Variants in NTF3 observed in about 807,000 individuals in gnomAD.
The protein encoded by NTF3 is neurotrophin-3.
In NTF3, 8 loss-of-function variants were observed where a neutral mutation model predicts 26.3. The observed-to-expected ratio is 0.30, with a 90% CI of 0.18 to 0.55. NTF3 has a LOEUF of 0.55. NTF3 is among the 20% of genes least tolerant of loss of function. The pLI is 0.93. For synonymous variants in NTF3, 154 were observed against 145.5 expected, an observed-to-expected ratio of 1.06 and a Z score of -0.42; for missense variants, 276 against 352.9, an observed-to-expected ratio of 0.78 and a Z score of 1.75.
At chr12:5,481,991 G>A (rs1281664400) in intron 1 of NTF3, among the ~76,000 whole-genome samples, 1 of 150,288 alleles carries the variant, frequency 6.7e-6, no homozygotes, top group African/African-American at 2.4e-5. Flanking sequence ...ACACTCGCAG[G>A]CATACATGCA....
chr12:5,495,142 A>C lies in NTF3; in HGVS notation c.*154A>C. On this transcript the variant is annotated 3_prime_UTR_variant, in exon 2 of 2. Coordinates refer to ENST00000423158, the MANE Select transcript of NTF3 (RefSeq NM_001102654.2). ...GTATATAAGCTTTTTTCTCAATAAA[A>C]TCAGTGTGCTTGCCTTCCCTCAGGC... The C allele has an allele frequency of 2.4e-6, 2 of 839,746 alleles. No individual in the cohort carries two copies. Among genetic ancestry groups the C allele is most frequent in the Non-Finnish European group, 3.6e-6 (2 of 551,246 alleles). 52.0% of individuals were successfully genotyped at this position (839,746 alleles called of 1,614,324 possible). A position where few individuals can be genotyped will look rare whatever the true frequency, so the allele number is the denominator to read the frequency against.
chr12:5,492,222 C>A (rs1434450261), intron 1 of NTF3, among the ~76,000 whole-genome samples: 1 of 152,212 alleles, frequency 6.6e-6, no homozygotes, highest in African/African-American at 2.4e-5. Context: ...GTCATTACCT[C>A]ACTAATCTGT....
intron 1 of NTF3, among the ~76,000 whole-genome samples, chr12:5,445,337 T>TGTGTGTG (rs1940292521): frequency 7.3e-5 from 11 of 151,212 alleles, no homozygotes; most frequent in East Asian, 3.9e-4. Flanking sequence ...TGTGTGTGTG[T>TGTGTGTG]TTAAAGTTTT....
At chr12:5,466,158 GC>G (rs1434388748) in intron 1 of NTF3, among the ~76,000 whole-genome samples, 1 of 152,186 alleles carries the variant, frequency 6.6e-6, no homozygotes, top group African/African-American at 2.4e-5. Context: ...AGGCTGAGCT[GC>G]CTCCACCTTG....
chr12:5,454,641 A>G (rs1450834265), intron 1 of NTF3, among the ~76,000 whole-genome samples: 2 of 152,226 alleles, frequency 1.3e-5, no homozygotes, highest in African/African-American at 4.8e-5. Context: ...ACCAGCAACA[A>G]TAACAACCAG....
At chr12:5,444,974 A>ATTCTAATTAGAATGTCT (rs1353523503) in intron 1 of NTF3, among the ~76,000 whole-genome samples, 1 of 152,226 alleles carries the variant, frequency 6.6e-6, no homozygotes, top group Non-Finnish European at 1.5e-5. Context: ...GTCTCTGGAC[A>ATTCTAATTAGAATGTCT]CATGGATTAA....
intron 1 of NTF3, among the ~76,000 whole-genome samples, chr12:5,489,007 T>C (rs529903378): frequency 2.7e-4 from 41 of 152,198 alleles, no homozygotes; most frequent in Non-Finnish European, 5.1e-4. Flanking sequence ...CTTTCTGCTT[T>C]CTTTGTAAGT....
At chr12:5,489,193 G>C (rs760634009) in intron 1 of NTF3, among the ~76,000 whole-genome samples, 46 of 152,192 alleles carry the variant, frequency 3.0e-4, no homozygotes, top group Non-Finnish European at 5.9e-4. Flanking sequence ...TTACTTTTGT[G>C]GGGGATGCTT....
At chr12:5,459,563 A>G (rs141987546) in intron 1 of NTF3, among the ~76,000 whole-genome samples, 2 of 152,308 alleles carry the variant, frequency 1.3e-5, no homozygotes, top group African/African-American at 4.8e-5. Flanking sequence ...TCAGGGAGGA[A>G]CGTGCATATT....
intron 1 of NTF3, among the ~76,000 whole-genome samples, chr12:5,468,820 C>T (rs529867593): frequency 6.6e-6 from 1 of 152,252 alleles, no homozygotes; most frequent in South Asian, 2.1e-4. Context: ...GGTGGGATAC[C>T]ACCTTGAACA....
At chr12:5,439,023 C>G (rs1185528484) in intron 1 of NTF3, among the ~76,000 whole-genome samples, 1 of 152,154 alleles carries the variant, frequency 6.6e-6, no homozygotes, top group Non-Finnish European at 1.5e-5. Context: ...CAGAGTGTTT[C>G]CTTTTGGCCA....
Position 5,495,029 on chromosome 12 carries a change from A to G in NTF3, c.*41A>G. On this transcript the variant is annotated 3_prime_UTR_variant, in exon 2 of 2. Transcript: ENST00000423158. ...CATATATAAATTATTACTTTAAATTATATGATATGCATGTAGCATATAAAT... is the reference window on the plus strand; with the variant it reads ...CATATATAAATTATTACTTTAAATTGTATGATATGCATGTAGCATATAAAT... The G allele has an allele frequency of 6.5e-7, 1 of 1,527,098 alleles. No homozygotes were observed. The highest frequency in any genetic ancestry group is 8.9e-7 in the Non-Finnish European group (1 of 1,121,444). 94.6% of individuals were successfully genotyped at this position (1,527,098 alleles called of 1,614,324 possible).
At chr12:5,447,058 A>T (rs1452345964) in intron 1 of NTF3, among the ~76,000 whole-genome samples, 1 of 152,178 alleles carries the variant, frequency 6.6e-6, no homozygotes, top group Non-Finnish European at 1.5e-5. Context: ...AGAGCAGTGG[A>T]AGCAGGAAAA....
chr12:5,462,429 T>C (rs1297425230), intron 1 of NTF3, among the ~76,000 whole-genome samples: 1 of 152,216 alleles, frequency 6.6e-6, no homozygotes, highest in Non-Finnish European at 1.5e-5. Flanking sequence ...TAATAAGAAA[T>C]AATGCTTACC....
In NTF3 at chr12:5,494,554, C is replaced by G. The variant is rs769358623; in HGVS notation, c.379C>G (p.Pro127Ala). The G allele has an allele frequency of 6.2e-7, 1 of 1,614,108 alleles. No individual in the cohort carries two copies. Among genetic ancestry groups the G allele is most frequent in the African/African-American group, 1.3e-5 (1 of 75,040 alleles). ...VLLSDSTPLE[P>A]PPLYLMEDYV... ...GCTGAGCGACAGCACCCCCTTGGAG[C>G]CCCCGCCCTTGTATCTCATGGAGGA... The change falls in exon 2 of 2, where the codon CCC becomes GCC. Residue 127 changes from proline to alanine, a missense_variant. Physicochemically the swap from Pro to Ala is conservative, Grantham distance 27. Coordinates refer to ENST00000423158, the MANE Select transcript of NTF3 (RefSeq NM_001102654.2). This position sits in a 1 kb window ranked among gnomAD's most constrained non-coding sequence, Gnocchi z 8.3.
chr12:5,439,605 ACTT>A (rs1229088094), intron 1 of NTF3, among the ~76,000 whole-genome samples: 1 of 152,136 alleles, frequency 6.6e-6, no homozygotes, highest in Non-Finnish European at 1.5e-5. Flanking sequence ...CTCTCCCTTT[ACTT>A]CTTGTTCTGT....
At chr12:5,466,393 G>A (rs74417735) in intron 1 of NTF3, among the ~76,000 whole-genome samples, 1,809 of 152,230 alleles carry the variant, frequency 0.012, 35 homozygotes, top group African/African-American at 0.04. Flanking sequence ...TTGTACAGTC[G>A]AGTTCTAAAA....
chr12:5,488,208 G>A (rs1940891398), intron 1 of NTF3, among the ~76,000 whole-genome samples: 1 of 152,084 alleles, frequency 6.6e-6, no homozygotes, highest in Non-Finnish European at 1.5e-5. Context: ...GTTGGTTTTG[G>A]ATCCATTGTA....
At chr12:5,467,545 G>T (rs1285108096) in intron 1 of NTF3, among the ~76,000 whole-genome samples, 1 of 152,126 alleles carries the variant, frequency 6.6e-6, no homozygotes, top group African/African-American at 2.4e-5. Flanking sequence ...TTGATTAAGG[G>T]TTACAAATTT....
Sources: gnomAD v4.1 joint callset for allele counts (sites outside exome capture counted in the v4.1 genomes callset) on GRCh38, gnomAD v4.1.1 for gene constraint, Gnocchi (gnomAD v3.1) non-coding constraint, MANE v1.5 for transcripts, NCBI Gene and HGNC (gene_info 2026-07-23, HGNC 2026-07-21) for gene names.